MED13: variants seen among roughly 807,000 people sequenced by gnomAD.
The protein encoded by MED13 is mediator of RNA polymerase II transcription subunit 13.
Under a neutral mutation model 225.2 loss-of-function variants are expected in MED13, and 23 were observed. The observed-to-expected ratio is 0.10, with a 90% CI of 0.07 to 0.14. MED13 has a LOEUF of 0.14. MED13 is among the 10% of genes least tolerant of loss of function. The pLI is 1.00. For synonymous variants in MED13, 942 were observed against 889.2 expected, an observed-to-expected ratio of 1.06 and a Z score of -1.06; for missense variants, 2,197 against 2,594.5, an observed-to-expected ratio of 0.85 and a Z score of 3.33.
rs746707650 is a variant in MED13, at chr17:61,992,553, G to A, written c.2250C>T (p.Pro750=). Residue 750 remains proline (P), a synonymous_variant, in exon 11 of 30, where the codon CCC becomes CCT. Coordinates refer to ENST00000397786, the MANE Select transcript of MED13 (RefSeq NM_005121.3). Reference sequence around the variant, plus strand: ...TAAAGATTTTACCTTGCTTGATAGAGGGACTAAATAATGACATAGCATCTT... The same window carrying A: ...TAAAGATTTTACCTTGCTTGATAGAAGGACTAAATAATGACATAGCATCTT... ...HEEDAMSLFS[P]SIKQDAPRPT... 6.2e-7 allele frequency: 1 copy of A among 1,607,126 alleles called. No individual in the cohort carries two copies. Among genetic ancestry groups the A allele is most frequent in the Non-Finnish European group, 8.5e-7 (1 of 1,174,092 alleles).
intron 8 of MED13, among the ~76,000 whole-genome samples, chr17:62,018,715 CAAAA>C (rs200425824): frequency 1.6e-5 from 2 of 124,804 alleles, no homozygotes; most frequent in African/African-American, 5.6e-5. Context: ...GACCCTATCT[CAAAA>C]AAAAAAAAAA....
chr17:62,018,578 G>A (rs181534485), intron 8 of MED13, among the ~76,000 whole-genome samples: 29 of 152,130 alleles, frequency 1.9e-4, no homozygotes, highest in Non-Finnish European at 3.1e-4. Context: ...GCTGGGCGTG[G>A]TGGCGCATGC....
chr17:62,049,930 C>CAAAA (rs544006035), intron 3 of MED13, among the ~76,000 whole-genome samples: 4 of 96,260 alleles, frequency 4.2e-5, no homozygotes, highest in Admixed American at 2.1e-4. Context: ...GCTCTGTCTC[C>CAAAA]AAAAAAAAAA....
chr17:62,054,976 A>G (rs1479581949), intron 2 of MED13, among the ~76,000 whole-genome samples: 2 of 152,240 alleles, frequency 1.3e-5, no homozygotes, highest in Non-Finnish European at 2.9e-5. Context: ...TACAGTTGTT[A>G]TAAACTTCAA....
chr17:61,978,859 G>A (rs2080179702), intron 16 of MED13, among the ~76,000 whole-genome samples: 1 of 152,068 alleles, frequency 6.6e-6, no homozygotes, highest in South Asian at 2.1e-4. Context: ...TGCTGATACT[G>A]TCATATACAT....
At chr17:61,950,385 G>GTTT (rs537705894) in intron 28 of MED13, among the ~76,000 whole-genome samples, 1 of 142,914 alleles carries the variant, frequency 7.0e-6, no homozygotes, top group African/African-American at 2.5e-5. Context: ...AAAACTAGTT[G>GTTT]TTTTTTTTTT....
chr17:61,984,466 G>A, intron 14 of MED13, 99 bp from the exon 15 acceptor site: 1 of 1,005,372 alleles, frequency 9.9e-7, no homozygotes, highest in Non-Finnish European at 1.4e-6. Context: ...TCTTTAAACA[G>A]AATAAAATCT....
intron 9 of MED13, among the ~76,000 whole-genome samples, chr17:62,001,526 T>C (rs1194675454): frequency 1.3e-5 from 2 of 152,296 alleles, no homozygotes; most frequent in East Asian, 1.9e-4. Flanking sequence ...CCCTCCATCA[T>C]CTCAAGGATA....
chr17:62,010,765 C>T lies in MED13; in HGVS notation c.1752G>A (p.Gln584=). Residue 584 remains glutamine (Q), a synonymous_variant, in exon 9 of 30, where the codon CAG becomes CAA. Coordinates refer to ENST00000397786, the MANE Select transcript of MED13 (RefSeq NM_005121.3). The part of the protein sequence containing the change: ...PMEDRIDSLS[Q]SFPPQYQEAV... The stretch of plus-strand genomic sequence containing the variant: ...CTTCCTGATATTGAGGTGGGAAAGA[C>T]TGGGACAAACTGTCTATCCTATCTT... 2 of 1,614,122 alleles carry T rather than the reference C, an allele frequency of 1.2e-6. No individual in the cohort carries two copies. Among genetic ancestry groups the T allele is most frequent in the South Asian group, 1.1e-5 (1 of 91,074 alleles).
intron 17 of MED13, among the ~76,000 whole-genome samples, chr17:61,971,551 T>C (rs1603394293): frequency 6.6e-6 from 1 of 152,278 alleles, no homozygotes; most frequent in African/African-American, 2.4e-5. Context: ...TGCACCTGCC[T>C]TGGCCTTCAA....
At chr17:62,038,091 A>AC (rs1377398311) in intron 3 of MED13, among the ~76,000 whole-genome samples, 1 of 151,980 alleles carries the variant, frequency 6.6e-6, no homozygotes, top group African/African-American at 2.4e-5. Flanking sequence ...TTCATTTCAT[A>AC]CATGAAATAT....
intron 23 of MED13, among the ~76,000 whole-genome samples, chr17:61,957,426 T>C (rs2079956581): frequency 6.6e-6 from 1 of 151,982 alleles, no homozygotes; most frequent in African/African-American, 2.4e-5. Flanking sequence ...CTCTGCTCAC[T>C]GCAACCTCCG....
chr17:62,040,124 C>G (rs1229600073), intron 3 of MED13, among the ~76,000 whole-genome samples: 2 of 152,144 alleles, frequency 1.3e-5, no homozygotes, highest in Non-Finnish European at 2.9e-5. Flanking sequence ...TATTATAAAA[C>G]AATTAGAAAA....
chr17:62,036,340 C>T (rs2080803413), intron 3 of MED13, among the ~76,000 whole-genome samples: 1 of 151,964 alleles, frequency 6.6e-6, no homozygotes, highest in East Asian at 1.9e-4. Flanking sequence ...AGAATATATG[C>T]AAAACAGTAC....
Position 62,010,727 on chromosome 17 carries a change from G to A in MED13, c.1790C>T (p.Thr597Ile), listed in dbSNP as rs750747647. 3 of 1,612,514 alleles carry A rather than the reference G, an allele frequency of 1.9e-6. No individual in the cohort carries two copies. The highest frequency in any genetic ancestry group is 2.7e-5 in the African/African-American group (2 of 74,992). ...PPQYQEAVEP[T>I]VYVGTAVNLE... ...GTTTACTGCTGTACCAACATATACTGTAGGTTCTACAGCTTCCTGATATTG... is the reference window on the plus strand; with the variant it reads ...GTTTACTGCTGTACCAACATATACTATAGGTTCTACAGCTTCCTGATATTG... Residue 597 changes from threonine (T) to isoleucine (I), a missense_variant, in exon 9 of 30, where the codon ACA (threonine) becomes ATA (isoleucine). Transcript: ENST00000397786.
At chr17:62,020,704 TTTA>T (rs1450594935) in intron 8 of MED13, among the ~76,000 whole-genome samples, 111 of 147,664 alleles carry the variant, frequency 7.5e-4, no homozygotes, top group African/African-American at 2.3e-3. Context: ...TTTTTTTTTT[TTTA>T]ATTGATCATT....
At chr17:62,051,273 T>C (rs1368853341) in intron 3 of MED13, among the ~76,000 whole-genome samples, 1 of 152,166 alleles carries the variant, frequency 6.6e-6, no homozygotes. Context: ...TTCCTTTCTC[T>C]TCCTGCCTGG....
At position 61,962,899 on chromosome 17, in the gene MED13, A is replaced by T. The variant is rs1347766548; in HGVS notation, c.4917T>A (p.Ile1639=). The T allele has an allele frequency of 6.2e-7, 1 of 1,614,126 alleles. No individual in the cohort carries two copies. Among genetic ancestry groups the T allele is most frequent in the East Asian group, 2.2e-5 (1 of 44,862 alleles). Residue 1639 remains isoleucine, a synonymous_variant, in exon 21 of 30, where the codon ATT becomes ATA. Coordinates refer to ENST00000397786, the MANE Select transcript of MED13 (RefSeq NM_005121.3). The part of the protein sequence containing the change: ...DSHAVTYPPA[I]VVYIIDPFTY... ...TAAAAGGATCAATTATATAAACAACAATTGCAGGTGGATACGTGACTGCAT... is the reference window on the plus strand; with the variant it reads ...TAAAAGGATCAATTATATAAACAACTATTGCAGGTGGATACGTGACTGCAT...
At chr17:62,007,911 C>A (rs1281208953) in intron 9 of MED13, among the ~76,000 whole-genome samples, 4 of 147,808 alleles carry the variant, frequency 2.7e-5, no homozygotes, top group African/African-American at 1.0e-4. Flanking sequence ...CCCAGCTACT[C>A]GGGAGGCTGA....
Sources: allele counts gnomAD v4.1 joint callset (sites outside exome capture counted in the v4.1 genomes callset), GRCh38; gene constraint gnomAD v4.1.1; transcripts MANE v1.5; gene names NCBI Gene and HGNC (gene_info 2026-07-23, HGNC 2026-07-21).